The following QRFPR variants were observed in gnomAD, a reference collection of about 807,000 sequenced individuals.
QRFPR encodes the protein pyroglutamylated RF-amide peptide receptor.
In QRFPR, 37 loss-of-function variants were observed where a neutral mutation model predicts 31.3. That is an observed-to-expected ratio of 1.18 (90% CI 0.91 to 1.56). The LOEUF (loss-of-function observed/expected upper bound fraction) is 1.56. Among genes scored for constraint, QRFPR ranks in the 40% most tolerant of loss-of-function variants. The pLI is 0.00. For synonymous variants in QRFPR, 197 were observed against 192.0 expected (o/e 1.03, Z -0.22); for missense variants, 542 against 532.5 (o/e 1.02, Z -0.18).
intron 1 of QRFPR, among the ~76,000 whole-genome samples, chr4:121,350,926 C>T (rs1171154665): frequency 2.0e-5 from 3 of 151,980 alleles, no homozygotes; most frequent in Non-Finnish European, 4.4e-5. Flanking sequence ...TTCCAAATTC[C>T]CTTCTATGAT....
chr4:121,330,600 G>A, intron 4 of QRFPR, 77 bp from the exon 5 acceptor site: 3 of 1,054,922 alleles, frequency 2.8e-6, no homozygotes, highest in Non-Finnish European at 1.5e-6. Context: ...AGCTATTAAA[G>A]TCTGAGCTTA....
intron 1 of QRFPR, among the ~76,000 whole-genome samples, chr4:121,364,593 T>G (rs908586439): frequency 6.7e-6 from 1 of 148,500 alleles, no homozygotes; most frequent in Non-Finnish European, 1.5e-5. Flanking sequence ...TGAGCCGAGA[T>G]TGCGCCACTG....
At chr4:121,363,074 C>A (rs1726021944) in intron 1 of QRFPR, among the ~76,000 whole-genome samples, 2 of 150,090 alleles carry the variant, frequency 1.3e-5, no homozygotes, top group South Asian at 4.2e-4. Flanking sequence ...TGGCTCATGC[C>A]TGTAATCCCA....
intron 1 of QRFPR, among the ~76,000 whole-genome samples, chr4:121,350,305 G>C (rs1248454105): frequency 6.6e-6 from 1 of 152,144 alleles, no homozygotes; most frequent in Non-Finnish European, 1.5e-5. Context: ...AGTCCACCAA[G>C]TTCAAGGATA....
intron 1 of QRFPR, among the ~76,000 whole-genome samples, chr4:121,364,511 G>A (rs1222418793): frequency 6.7e-6 from 1 of 149,038 alleles, no homozygotes; most frequent in Non-Finnish European, 1.5e-5. Context: ...ATGGTGGCGG[G>A]TGCCTATAGT....
At chr4:121,349,201 T>A (rs1725717734) in intron 1 of QRFPR, among the ~76,000 whole-genome samples, 1 of 152,144 alleles carries the variant, frequency 6.6e-6, no homozygotes, top group South Asian at 2.1e-4. Flanking sequence ...TCTGAAATGT[T>A]ATGGGGATGT....
At chr4:121,335,256 G>A (rs567205360) in intron 3 of QRFPR, among the ~76,000 whole-genome samples, 33 of 151,952 alleles carry the variant, frequency 2.2e-4, no homozygotes, top group African/African-American at 7.0e-4. Flanking sequence ...ATTTAAAAAT[G>A]GATACATCTG....
Position 121,348,123 on chromosome 4 carries a change from T to C in QRFPR, c.341-7513A>G, listed in dbSNP as rs1725692576. Among the ~76,000 whole-genome samples the C allele has an allele frequency of 2.0e-5, 3 of 152,168 alleles. No homozygotes were observed. In the South Asian group the frequency reaches 6.2e-4, roughly 32 times the overall value. ...GTATAGGCTCTAGAATTGGGCTGTC[T>C]GAGTTTGAATCATGGGTCCATCACT... On this transcript the variant is annotated intron_variant, in intron 1 of 5. Coordinates refer to ENST00000394427, the MANE Select transcript of QRFPR (RefSeq NM_198179.3).
chr4:121,337,965 T>C (rs894842835), intron 2 of QRFPR, among the ~76,000 whole-genome samples: 3 of 152,206 alleles, frequency 2.0e-5, no homozygotes, highest in African/African-American at 7.2e-5. Context: ...CTCTGCTTGT[T>C]CTTTCTATAT....
chr4:121,365,964 A>C (rs1726128867), intron 1 of QRFPR, among the ~76,000 whole-genome samples: 2 of 148,058 alleles, frequency 1.4e-5, no homozygotes, highest in Admixed American at 6.8e-5. Flanking sequence ...ACTTATAGTC[A>C]GTGTGCAAGA....
chr4:121,343,581 C>G (rs554324508), intron 1 of QRFPR, among the ~76,000 whole-genome samples: 31 of 152,310 alleles, frequency 2.0e-4, no homozygotes, highest in Non-Finnish European at 3.5e-4. Flanking sequence ...CAGTTTACCT[C>G]AAGTCCTGGT....
intron 1 of QRFPR, among the ~76,000 whole-genome samples, chr4:121,371,925 C>T (rs755160352): frequency 1.3e-5 from 2 of 152,078 alleles, no homozygotes; most frequent in Non-Finnish European, 2.9e-5. Context: ...TGCACAGATG[C>T]CAAAGGCAAG....
At chr4:121,331,033 G>A (rs1388948011) in intron 4 of QRFPR, among the ~76,000 whole-genome samples, 2 of 151,914 alleles carry the variant, frequency 1.3e-5, no homozygotes, top group Admixed American at 6.6e-5. Flanking sequence ...TGGGAGGACA[G>A]GGCAGGAGAA....
intron 4 of QRFPR, among the ~76,000 whole-genome samples, chr4:121,332,514 A>G (rs1725345813): frequency 6.6e-6 from 1 of 152,076 alleles, no homozygotes; most frequent in Admixed American, 6.5e-5. Flanking sequence ...TAGAGAGAGT[A>G]CCCATAGGAC....
chr4:121,339,080 A>G (rs1725489870), intron 2 of QRFPR, among the ~76,000 whole-genome samples: 1 of 152,232 alleles, frequency 6.6e-6, no homozygotes. Context: ...TGATTCAGCT[A>G]TTATTTTCAA....
chr4:121,345,118 A>G (rs1316586881), intron 1 of QRFPR, among the ~76,000 whole-genome samples: 1 of 152,230 alleles, frequency 6.6e-6, no homozygotes, highest in African/African-American at 2.4e-5. Context: ...TTAGAATATT[A>G]ACTCTTCCCC....
intron 1 of QRFPR, among the ~76,000 whole-genome samples, chr4:121,368,933 G>T (rs114976741): frequency 0.014 from 2,161 of 151,456 alleles, 63 homozygotes; most frequent in African/African-American, 0.048. Flanking sequence ...GTACAAAATG[G>T]CTTCTTCCAC....
Position 121,380,617 on chromosome 4 carries a change from A to C in QRFPR, c.31T>G (p.Phe11Val), listed in dbSNP as rs1399908572. Residue 11 changes from phenylalanine to valine, a missense_variant, in exon 1 of 6, where the codon TTC (phenylalanine) becomes GTC (valine). Transcript: ENST00000394427. Reference protein sequence around the residue: MQALNITPEQFSRLLRDHNLT... With the variant: MQALNITPEQVSRLLRDHNLT... ...TTGTGGTCCCGCAGCAGCCGAGAGA[A>C]CTGCTCCGGGGTAATGTTAAGCGCC... 11 of 1,595,902 alleles carry C rather than the reference A, an allele frequency of 6.9e-6. No individual in the cohort carries two copies. Among genetic ancestry groups the C allele is most frequent in the Admixed American group, 1.7e-5 (1 of 58,424 alleles).
intron 1 of QRFPR, among the ~76,000 whole-genome samples, chr4:121,355,801 A>C (rs1449189394): frequency 6.6e-6 from 1 of 152,050 alleles, no homozygotes; most frequent in African/African-American, 2.4e-5. Flanking sequence ...AAAACTTAAA[A>C]ATTTCTTTAT....
Sources: gnomAD v4.1 joint callset for allele counts (sites outside exome capture counted in the v4.1 genomes callset) on GRCh38, gnomAD v4.1.1 for gene constraint, MANE v1.5 for transcripts, NCBI Gene and HGNC (gene_info 2026-07-23, HGNC 2026-07-21) for gene names.